PIEZO2: variants seen among roughly 807,000 people sequenced by gnomAD.
PIEZO2 encodes piezo-type mechanosensitive ion channel component 2.
PIEZO2 carries 172 observed loss-of-function variants against 337.3 expected under a neutral mutation model. That is an observed-to-expected ratio of 0.51 (90% CI 0.45 to 0.58). PIEZO2 has a LOEUF of 0.58. Among genes scored for constraint, PIEZO2 ranks in the 20% least tolerant of loss-of-function variants. The pLI is 0.00. For missense variants in PIEZO2, 3,028 were observed against 3,391.3 expected, an observed-to-expected ratio of 0.89 and a Z score of 2.66; for synonymous variants, 1,251 against 1,228.5, an observed-to-expected ratio of 1.02 and a Z score of -0.38.
intron 4 of PIEZO2, among the ~76,000 whole-genome samples, chr18:10,885,696 TAA>T (rs1211857930): frequency 6.6e-6 from 1 of 152,210 alleles, no homozygotes; most frequent in African/African-American, 2.4e-5. Context: ...GGAACATTTA[TAA>T]GTCACTCTCT....
intron 3 of PIEZO2, among the ~76,000 whole-genome samples, chr18:10,917,229 A>C (rs2031051191): frequency 1.3e-5 from 2 of 152,140 alleles, no homozygotes; most frequent in South Asian, 4.1e-4. Flanking sequence ...GTTTAAAACC[A>C]CAGGGCTTTG....
In PIEZO2 at chr18:11,096,207, G is replaced by T. The variant is rs1424694528; in HGVS notation, c.65-29985C>A. ...GGGTGTGGCCACCTAGAGCCCTGGG[G>T]TGAAGAAGCCATGAGAAGGACCACG... On this transcript the variant is annotated intron_variant, in intron 1 of 55. Coordinates refer to ENST00000674853, the MANE Select transcript of PIEZO2 (RefSeq NM_001378183.1). The surrounding 1 kb of genome is among the most constrained non-coding windows in gnomAD (Gnocchi z 4.6). Among the ~76,000 whole-genome samples the T allele has an allele frequency of 6.6e-6, 1 of 152,236 alleles. No homozygotes were observed. Among genetic ancestry groups the T allele is most frequent in the Admixed American group, 6.5e-5 (1 of 15,292 alleles).
chr18:10,827,634 G>A (rs920608110), intron 7 of PIEZO2, among the ~76,000 whole-genome samples: 1 of 152,154 alleles, frequency 6.6e-6, no homozygotes, highest in African/African-American at 2.4e-5. Context: ...AACTGCTCTA[G>A]AACTGCCAGA....
At chr18:10,991,929 G>C (rs2035121894) in intron 2 of PIEZO2, among the ~76,000 whole-genome samples, 1 of 152,092 alleles carries the variant, frequency 6.6e-6, no homozygotes, top group African/African-American at 2.4e-5. Context: ...ATTCTAACCG[G>C]TGTGAGATGG....
chr18:10,812,435 A>T (rs2040223468), intron 7 of PIEZO2, among the ~76,000 whole-genome samples: 1 of 152,160 alleles, frequency 6.6e-6, no homozygotes, highest in Non-Finnish European at 1.5e-5. Context: ...TACTATACTT[A>T]TTACCTGGGT....
At chr18:10,928,035 A>ATACAC (rs1477652144) in intron 3 of PIEZO2, among the ~76,000 whole-genome samples, 2 of 152,216 alleles carry the variant, frequency 1.3e-5, no homozygotes, top group Non-Finnish European at 2.9e-5. Flanking sequence ...TAACAATACC[A>ATACAC]TACACTGGTG....
At chr18:10,901,161 C>G (rs149982803) in intron 4 of PIEZO2, among the ~76,000 whole-genome samples, 1 of 152,246 alleles carries the variant, frequency 6.6e-6, no homozygotes, top group East Asian at 1.9e-4. Flanking sequence ...AAGAATCCAT[C>G]CCATCTGATT....
At chr18:10,835,123 G>A (rs956813188) in intron 7 of PIEZO2, among the ~76,000 whole-genome samples, 1 of 152,134 alleles carries the variant, frequency 6.6e-6, no homozygotes, top group Non-Finnish European at 1.5e-5. Flanking sequence ...GCCAGGCACC[G>A]ACTCTGTTGG....
rs2035194662 is a variant in PIEZO2 at position 10,993,690 on chromosome 18, C to G, written c.161-14030G>C. On this transcript the variant is annotated intron_variant, in intron 2 of 55. Coordinates refer to ENST00000674853, the MANE Select transcript of PIEZO2 (RefSeq NM_001378183.1). This position sits in a 1 kb window ranked among gnomAD's most constrained non-coding sequence, Gnocchi z 5.0. ...TACAGGCGCCTCTCACAATGCCCGG[C>G]TAATTTTTCTGTATTTTTAGTAGAG... 6.6e-6 allele frequency among the ~76,000 whole-genome samples: 1 copy of G among 152,048 alleles called. No homozygotes were observed. Among genetic ancestry groups the G allele is most frequent in the Non-Finnish European group, 1.5e-5 (1 of 68,026 alleles).
rs3748424 is a variant in PIEZO2 at position 10,691,164 on chromosome 18, A to G, written c.7349+61T>C. The G allele has an allele frequency of 8.7e-5, 135 of 1,545,420 alleles. No individual in the cohort carries two copies. In the East Asian group the frequency reaches 2.0e-3, roughly 23 times the overall value. ...CCCCTTACTTCCCAGTTGGGAATCA[A>G]AATGCCTTTCCACCGCTATTCTTCC... is the stretch of plus-strand genomic sequence containing the variant. On this transcript the variant is annotated intron_variant, in intron 48 of 55. Transcript: ENST00000674853.
rs2036328217 is a variant in PIEZO2, at chr18:11,021,965, T to G, written c.161-42305A>C. Among the ~76,000 whole-genome samples the G allele has an allele frequency of 6.6e-6, 1 of 152,212 alleles. No individual in the cohort carries two copies. The highest frequency in any genetic ancestry group is 2.4e-5 in the African/African-American group (1 of 41,464). ...CAGAGTCACCACGTGTGAAGGGGAT[T>G]TGCAGGGGGGTCTCTCAAGAACAAA... On this transcript the variant is annotated intron_variant, in intron 2 of 55. Transcript: ENST00000674853. The surrounding 1 kb of genome is among the most constrained non-coding windows in gnomAD (Gnocchi z 4.7).
At chr18:10,886,592 C>A (rs1441162542) in intron 4 of PIEZO2, among the ~76,000 whole-genome samples, 1 of 139,092 alleles carries the variant, frequency 7.2e-6, no homozygotes, top group Non-Finnish European at 1.5e-5. Context: ...GAGAGATTAA[C>A]AATAACTAAT....
chr18:10,888,575 AT>A lies in PIEZO2; in HGVS notation c.330-17161del, dbSNP rs1291982120. The stretch of plus-strand genomic sequence containing the variant: ...TTTGCATATATTTCCACACACACGC[AT>A]ATGCCTTTACAACTATTTCCATATC... On this transcript the variant is annotated intron_variant, in intron 4 of 55. Transcript: ENST00000674853. The surrounding 1 kb of genome is among the most constrained non-coding windows in gnomAD (Gnocchi z 4.1). Among the ~76,000 whole-genome samples the A allele has an allele frequency of 6.6e-6, 1 of 152,022 alleles. No individual in the cohort carries two copies. The highest frequency in any genetic ancestry group is 2.4e-5 in the African/African-American group (1 of 41,380).
chr18:10,876,069 C>T (rs1259169159), intron 4 of PIEZO2, among the ~76,000 whole-genome samples: 1 of 152,212 alleles, frequency 6.6e-6, no homozygotes, highest in Non-Finnish European at 1.5e-5. Flanking sequence ...GAAAAGTATG[C>T]ACAATAAACA....
intron 7 of PIEZO2, among the ~76,000 whole-genome samples, chr18:10,825,677 A>T (rs2040653490): frequency 6.6e-6 from 1 of 151,254 alleles, no homozygotes; most frequent in African/African-American, 2.4e-5. Flanking sequence ...CAGCCTCCCA[A>T]GTAGCTGGCA....
At chr18:11,062,818 T>G (rs1598902487) in intron 2 of PIEZO2, among the ~76,000 whole-genome samples, 1 of 152,288 alleles carries the variant, frequency 6.6e-6, no homozygotes, top group East Asian at 1.9e-4. Context: ...GGTGGGACTG[T>G]AAACTAGTTC....
Position 11,146,844 on chromosome 18 carries a change from G to T in PIEZO2, c.64+1681C>A, listed in dbSNP as rs187450269. 6.6e-6 allele frequency among the ~76,000 whole-genome samples: 1 copy of T among 152,184 alleles called. No homozygotes were observed. Among genetic ancestry groups the T allele is most frequent in the Non-Finnish European group, 1.5e-5 (1 of 68,034 alleles). ...AGCGGGATGGGGGATGGGGAAGAGG[G>T]TGTCCATCCTCCAGGAACAGTGGCG... On this transcript the variant is annotated intron_variant, in intron 1 of 55. Coordinates refer to ENST00000674853, the MANE Select transcript of PIEZO2 (RefSeq NM_001378183.1). This position sits in a 1 kb window ranked among gnomAD's most constrained non-coding sequence, Gnocchi z 6.1.
intron 7 of PIEZO2, among the ~76,000 whole-genome samples, chr18:10,840,260 AATTT>A (rs1225556375): frequency 2.0e-5 from 3 of 152,226 alleles, no homozygotes; most frequent in Non-Finnish European, 4.4e-5. Flanking sequence ...AAGAATTTTT[AATTT>A]ATTTTTGATG....
At chr18:10,698,013 G>GGATGCATTTGTGAACAATTACTGAT in intron 44 of PIEZO2, 133 bp from the exon 45 acceptor site, 1 of 772,240 alleles carries the variant, frequency 1.3e-6, no homozygotes, top group Non-Finnish European at 1.8e-6. Context: ...GAGTATGCAC[G>GGATGCATTTGTGAACAATTACTGAT]GCCTTGGGAT....
Sources: gnomAD v4.1 joint callset for allele counts (sites outside exome capture counted in the v4.1 genomes callset) on GRCh38, gnomAD v4.1.1 for gene constraint, Gnocchi (gnomAD v3.1) non-coding constraint, MANE v1.5 for transcripts, NCBI Gene and HGNC (gene_info 2026-07-23, HGNC 2026-07-21) for gene names.